Variants in FAM241A observed in about 807,000 individuals in gnomAD.
The protein encoded by FAM241A is family with sequence similarity 241 member A.
Under a neutral mutation model 12.2 loss-of-function variants are expected in FAM241A, and 7 were observed. The observed-to-expected ratio is 0.58, with a 90% CI of 0.33 to 1.08. The LOEUF (loss-of-function observed/expected upper bound fraction) is 1.08, where lower values mean the gene tolerates loss of function less well. Ranked by LOEUF, FAM241A falls within the 50% of genes least tolerant of loss-of-function variation. The pLI, the probability that FAM241A is intolerant of heterozygous loss-of-function variation, is 0.04. For missense variants in FAM241A, 161 were observed against 169.7 expected (o/e 0.95, Z 0.29); for synonymous variants, 74 against 68.2 (o/e 1.08, Z -0.42).
At chr4:112,157,027 A>C (rs1055393250) in intron 1 of FAM241A, among the ~76,000 whole-genome samples, 1 of 152,142 alleles carries the variant, frequency 6.6e-6, no homozygotes, top group Non-Finnish European at 1.5e-5. Context: ...TAAAATTCTT[A>C]TCAGCCATTT....
At chr4:112,177,885 A>G (rs559343261) in intron 1 of FAM241A, among the ~76,000 whole-genome samples, 12 of 152,334 alleles carry the variant, frequency 7.9e-5, no homozygotes, top group African/African-American at 2.9e-4. Flanking sequence ...AACTATGCTC[A>G]TGGGAGAATA....
intron 1 of FAM241A, among the ~76,000 whole-genome samples, chr4:112,181,987 A>T (rs1723951125): frequency 6.6e-6 from 1 of 152,216 alleles, no homozygotes; most frequent in South Asian, 2.1e-4. Context: ...AGTGTTAGGA[A>T]ACTATTGGAA....
chr4:112,175,197 T>C (rs1007438870), intron 1 of FAM241A, among the ~76,000 whole-genome samples: 17 of 152,202 alleles, frequency 1.1e-4, no homozygotes, highest in East Asian at 5.8e-4. Context: ...AAAGTAGATA[T>C]GCTAGCTATA....
intron 1 of FAM241A, among the ~76,000 whole-genome samples, chr4:112,175,083 A>G (rs913620143): frequency 6.6e-6 from 1 of 152,206 alleles, no homozygotes; most frequent in Non-Finnish European, 1.5e-5. Context: ...TATTATTATT[A>G]TCATCATCTA....
At chr4:112,186,093 G>A (rs1724033832) in intron 1 of FAM241A, among the ~76,000 whole-genome samples, 5 of 152,042 alleles carry the variant, frequency 3.3e-5, no homozygotes, top group Admixed American at 3.3e-4. Context: ...GTATAATTGG[G>A]TGCATGTAGA....
chr4:112,145,596 G>A lies in FAM241A; in HGVS notation c.16G>A (p.Glu6Lys). ...TGGCTGCGGGATGTGCTCAGCCGGGGAGCTGCTGCGGGGCGGCGACGGCGG... is the reference window on the plus strand; with the variant it reads ...TGGCTGCGGGATGTGCTCAGCCGGGAAGCTGCTGCGGGGCGGCGACGGCGG... Reference protein sequence around the residue: MCSAGELLRGGDGGER... With the variant: MCSAGKLLRGGDGGER... Residue 6 changes from glutamate (E) to lysine (K), a missense_variant, in exon 1 of 2, where the codon GAG (glutamate) becomes AAG (lysine). Glu to Lys is a moderately conservative substitution (Grantham distance 56). Coordinates refer to ENST00000309733, the MANE Select transcript of FAM241A (RefSeq NM_152400.3). The A allele has an allele frequency of 8.0e-7, 1 of 1,245,956 alleles. No individual in the cohort carries two copies. Among genetic ancestry groups the A allele is most frequent in the East Asian group, 3.1e-5 (1 of 32,420 alleles). 77.2% of individuals were successfully genotyped at this position (1,245,956 alleles called of 1,614,324 possible).
chr4:112,160,404 C>CAA (rs34894300), intron 1 of FAM241A, among the ~76,000 whole-genome samples: 1,623 of 121,570 alleles, frequency 0.013, 32 homozygotes, highest in African/African-American at 0.038. Flanking sequence ...AACTCCATCT[C>CAA]AAAAAAAAAA....
At position 112,194,435 on chromosome 4, in the gene FAM241A, A is replaced by G. The variant is rs1724226383; in HGVS notation, c.*7497A>G. On this transcript the variant is annotated 3_prime_UTR_variant, in exon 2 of 2. Coordinates refer to ENST00000309733, the MANE Select transcript of FAM241A (RefSeq NM_152400.3). Reference sequence around the variant, plus strand: ...CATCCCTGTCTTGTGCCAGTTTTCAAAGGGAATGCTTCCAGTTTTTGCCCA... The same window carrying G: ...CATCCCTGTCTTGTGCCAGTTTTCAGAGGGAATGCTTCCAGTTTTTGCCCA... The G allele has an allele frequency of 6.6e-6, 1 of 150,472 alleles. No homozygotes were observed. The highest frequency in any genetic ancestry group is 2.4e-5 in the African/African-American group (1 of 41,172). The allele number at this position is 150,472 out of a possible 1,614,324, so 9.3% of individuals were successfully genotyped here. A position where few individuals can be genotyped will look rare whatever the true frequency, so the allele number is the denominator to read the frequency against.
intron 1 of FAM241A, among the ~76,000 whole-genome samples, chr4:112,154,045 T>C (rs965518664): frequency 2.6e-5 from 4 of 152,186 alleles, no homozygotes; most frequent in African/African-American, 7.2e-5. Flanking sequence ...GCAGATGGCC[T>C]ACAGAGGTAG....
At chr4:112,175,619 T>A (rs1439975202) in intron 1 of FAM241A, among the ~76,000 whole-genome samples, 1 of 151,702 alleles carries the variant, frequency 6.6e-6, no homozygotes. Context: ...AATACGAAAA[T>A]TAGCTAGGTG....
chr4:112,156,734 A>G (rs908969121), intron 1 of FAM241A, among the ~76,000 whole-genome samples: 1 of 152,222 alleles, frequency 6.6e-6, no homozygotes, highest in Non-Finnish European at 1.5e-5. Flanking sequence ...ATGTCTTCTT[A>G]TCAGAATCAA....
rs1437529736 is a variant in FAM241A, at chr4:112,194,408, G to A, written c.*7470G>A. On this transcript the variant is annotated 3_prime_UTR_variant, in exon 2 of 2. Coordinates refer to ENST00000309733, the MANE Select transcript of FAM241A (RefSeq NM_152400.3). Reference sequence around the variant, plus strand: ...ATGTTGAATAGGAGTGGTGAGAGAGGGCATCCCTGTCTTGTGCCAGTTTTC... The same window carrying A: ...ATGTTGAATAGGAGTGGTGAGAGAGAGCATCCCTGTCTTGTGCCAGTTTTC... The A allele has an allele frequency of 6.6e-6, 1 of 151,006 alleles. No individual in the cohort carries two copies. Among genetic ancestry groups the A allele is most frequent in the African/African-American group, 2.4e-5 (1 of 41,144 alleles). The allele number at this position is 151,006 out of a possible 1,614,324, so 9.4% of individuals were successfully genotyped here. A position where few individuals can be genotyped will look rare whatever the true frequency, so the allele number is the denominator to read the frequency against.
At chr4:112,148,031 A>G (rs1165993483) in intron 1 of FAM241A, among the ~76,000 whole-genome samples, 1 of 152,154 alleles carries the variant, frequency 6.6e-6, no homozygotes, top group East Asian at 1.9e-4. Context: ...TGAACACCAT[A>G]GCTCCAGAGG....
chr4:112,181,443 A>G (rs1399107657), intron 1 of FAM241A, among the ~76,000 whole-genome samples: 2 of 152,166 alleles, frequency 1.3e-5, no homozygotes, highest in Non-Finnish European at 2.9e-5. Flanking sequence ...ATGTTTCTAT[A>G]TGCTGCTATT....
intron 1 of FAM241A, among the ~76,000 whole-genome samples, chr4:112,175,977 A>G (rs1012309125): frequency 6.6e-6 from 1 of 152,186 alleles, no homozygotes; most frequent in Non-Finnish European, 1.5e-5. Context: ...ACACAACAAC[A>G]TGTAATACTG....
At position 112,194,277 on chromosome 4, in the gene FAM241A, A is replaced by T. The variant is rs1365704580; in HGVS notation, c.*7339A>T. The T allele has an allele frequency of 1.3e-5, 2 of 151,660 alleles. No homozygotes were observed. The highest frequency in any genetic ancestry group is 2.9e-5 in the Non-Finnish European group (2 of 67,916). The allele number at this position is 151,660 out of a possible 1,614,324, so 9.4% of individuals were successfully genotyped here. ...AGACAATGGGGTTTTCTAGATATACAATCATGTCATCTGCAAACAGGGACA... is the reference window on the plus strand; with the variant it reads ...AGACAATGGGGTTTTCTAGATATACTATCATGTCATCTGCAAACAGGGACA... On this transcript the variant is annotated 3_prime_UTR_variant, in exon 2 of 2. Coordinates refer to ENST00000309733, the MANE Select transcript of FAM241A (RefSeq NM_152400.3).
At chr4:112,154,148 C>T in intron 1 of FAM241A, among the ~76,000 whole-genome samples, 1 of 152,144 alleles carries the variant, frequency 6.6e-6, no homozygotes, top group East Asian at 1.9e-4. Flanking sequence ...GTAATAACAG[C>T]AGAAGCGAAA....
In FAM241A at chr4:112,188,357, T is replaced by G. The variant is rs1400154970; in HGVS notation, c.*1419T>G. Reference sequence around the variant, plus strand: ...TTATTTCTAAACCTCTGTGCATTCTTAGTGTCTTCTCATTCTGAAACAGAA... The same window carrying G: ...TTATTTCTAAACCTCTGTGCATTCTGAGTGTCTTCTCATTCTGAAACAGAA... On this transcript the variant is annotated 3_prime_UTR_variant, in exon 2 of 2. Coordinates refer to ENST00000309733, the MANE Select transcript of FAM241A (RefSeq NM_152400.3). The G allele has an allele frequency of 3.3e-5, 5 of 152,176 alleles. No individual in the cohort carries two copies. Among genetic ancestry groups the G allele is most frequent in the African/African-American group, 1.2e-4 (5 of 41,450 alleles). 9.4% of individuals were successfully genotyped at this position (152,176 alleles called of 1,614,324 possible). A position where few individuals can be genotyped will look rare whatever the true frequency, so the allele number is the denominator to read the frequency against.
rs1286582615 is a variant in FAM241A at position 112,192,866 on chromosome 4, A to G, written c.*5928A>G. ...TAGTCCTTTGAGTATATACCCAGTA[A>G]TGGGATGGCTGGGTCAAATGGTATT... On this transcript the variant is annotated 3_prime_UTR_variant, in exon 2 of 2. Transcript: ENST00000309733. 1 of 151,874 alleles carries G rather than the reference A, an allele frequency of 6.6e-6. No homozygotes were observed. Among genetic ancestry groups the G allele is most frequent in the Non-Finnish European group, 1.5e-5 (1 of 67,982 alleles). 9.4% of individuals were successfully genotyped at this position (151,874 alleles called of 1,614,324 possible).
Sources: allele counts gnomAD v4.1 joint callset (sites outside exome capture counted in the v4.1 genomes callset), GRCh38; gene constraint gnomAD v4.1.1; transcripts MANE v1.5; gene names NCBI Gene and HGNC (gene_info 2026-07-23, HGNC 2026-07-21).